ENPP6: variants seen among roughly 807,000 people sequenced by gnomAD.
The protein encoded by ENPP6 is ectonucleotide pyrophosphatase/phosphodiesterase 6, also known as glycerophosphocholine cholinephosphodiesterase ENPP6.
ENPP6 carries 32 observed loss-of-function variants against 42.0 expected under a neutral mutation model. The ratio of observed to expected loss-of-function variants is 0.76; its 90% confidence interval spans 0.58 to 1.02. The LOEUF (loss-of-function observed/expected upper bound fraction) is 1.02, where lower values mean the gene tolerates loss of function less well. Among genes scored for constraint, ENPP6 ranks in the 50% least tolerant of loss-of-function variants. The pLI is 0.00. For synonymous variants in ENPP6, 213 were observed against 216.0 expected (o/e 0.99, Z 0.12); for missense variants, 552 against 566.8 (o/e 0.97, Z 0.27).
chr4:184,115,938 G>A (rs922855748), intron 5 of ENPP6, among the ~76,000 whole-genome samples: 42 of 152,164 alleles, frequency 2.8e-4, no homozygotes, highest in African/African-American at 7.0e-4. Flanking sequence ...GCCCTAGGCC[G>A]GGCACGGTGG....
intron 1 of ENPP6, among the ~76,000 whole-genome samples, chr4:184,195,556 A>C (rs1429013654): frequency 6.6e-6 from 1 of 152,128 alleles, no homozygotes; most frequent in African/African-American, 2.4e-5. Context: ...ATTATCCTAA[A>C]CTGGAAACTC....
rs768789197 is a variant in ENPP6 at position 184,097,363 on chromosome 4, T to C, written c.999A>G (p.Arg333=). 23 of 1,613,908 alleles carry C rather than the reference T, an allele frequency of 1.4e-5. No individual in the cohort carries two copies. Among genetic ancestry groups the C allele is most frequent in the Non-Finnish European group, 1.9e-5 (22 of 1,180,012 alleles). The change falls in exon 7 of 8, where the codon CGA becomes CGG. Residue 333 remains arginine, a synonymous_variant. Transcript: ENST00000296741. ...TGTTCATCCAAAACGGAAGCATCTC[T>C]CGATTCTGAAACCAAGCAAGGCAGA... ...ADEGWFITEN[R]EMLPFWMNST...
intron 1 of ENPP6, among the ~76,000 whole-genome samples, chr4:184,191,296 T>C (rs941804687): frequency 8.5e-5 from 13 of 152,224 alleles, no homozygotes; most frequent in Non-Finnish European, 2.9e-5. Flanking sequence ...ATGGGAACAA[T>C]TGTGACTACT....
At position 184,129,291 on chromosome 4, in the gene ENPP6, T is replaced by C. The variant is rs868125961; in HGVS notation, c.422-5019A>G. Among the ~76,000 whole-genome samples, 18 of 145,390 alleles carry C rather than the reference T, an allele frequency of 1.2e-4. 1 individual carries two copies. Among genetic ancestry groups the C allele is most frequent in the East Asian group, 1.2e-3 (6 of 4,966 alleles). The stretch of plus-strand genomic sequence containing the variant: ...GTAGTACACAAACACCCCCCCAACA[T>C]ACACACACACACACACACACACACA... On this transcript the variant is annotated intron_variant, in intron 2 of 7. Transcript: ENST00000296741.
At chr4:184,190,596 T>C (rs1732700633) in intron 1 of ENPP6, among the ~76,000 whole-genome samples, 3 of 152,222 alleles carry the variant, frequency 2.0e-5, no homozygotes. Flanking sequence ...ATACAGCAGC[T>C]TCAAGAAACT....
intron 1 of ENPP6, among the ~76,000 whole-genome samples, chr4:184,209,315 G>A (rs1197854178): frequency 2.0e-5 from 3 of 147,506 alleles, no homozygotes; most frequent in Admixed American, 6.7e-5. Context: ...TCAAACCAAA[G>A]GCAAAGAAGT....
At chr4:184,092,532 T>C (rs752789664) in intron 7 of ENPP6, among the ~76,000 whole-genome samples, 1 of 152,184 alleles carries the variant, frequency 6.6e-6, no homozygotes, top group Non-Finnish European at 1.5e-5. Context: ...CACAAGTCTT[T>C]GGAGGGATTT....
At chr4:184,097,417 C>T (rs778565401) in intron 6 of ENPP6, 49 bp from the exon 7 acceptor site, 5 of 1,606,280 alleles carry the variant, frequency 3.1e-6, no homozygotes, top group Non-Finnish European at 4.2e-6. Context: ...GACCGTGGCG[C>T]TGAGCGGGCA....
At chr4:184,145,299 A>T in intron 2 of ENPP6, among the ~76,000 whole-genome samples, 1 of 148,024 alleles carries the variant, frequency 6.8e-6, no homozygotes, top group Admixed American at 6.7e-5. Context: ...TCCCCCTTTC[A>T]CCTCCCTGCC....
chr4:184,097,491 C>T (rs1371152824), intron 6 of ENPP6, 123 bp from the exon 7 acceptor site: 3 of 1,382,450 alleles, frequency 2.2e-6, no homozygotes, highest in Non-Finnish European at 1.9e-6. Flanking sequence ...CTGACCCAGA[C>T]TGACCCAACC....
rs1486366384 is a variant in ENPP6 at position 184,177,335 on chromosome 4, G to C, written c.242-23602C>G. ...CCCGCAGGAATTTCAGCAACTCCAGGCAGGGGTTTAGGGATAGAACTCTGA... is the reference window on the plus strand; with the variant it reads ...CCCGCAGGAATTTCAGCAACTCCAGCCAGGGGTTTAGGGATAGAACTCTGA... On this transcript the variant is annotated intron_variant, in intron 1 of 7. Coordinates refer to ENST00000296741, the MANE Select transcript of ENPP6 (RefSeq NM_153343.4). Among the ~76,000 whole-genome samples the C allele has an allele frequency of 2.6e-5, 4 of 152,196 alleles. No individual in the cohort carries two copies. In the East Asian group the frequency reaches 7.7e-4, roughly 29 times the overall value.
chr4:184,214,458 G>A (rs1160097472), intron 1 of ENPP6, among the ~76,000 whole-genome samples: 2 of 152,158 alleles, frequency 1.3e-5, no homozygotes, highest in Non-Finnish European at 2.9e-5. Flanking sequence ...CCCATCCACT[G>A]TGAAATTCTC....
At chr4:184,139,529 G>A (rs533116314) in intron 2 of ENPP6, among the ~76,000 whole-genome samples, 18 of 127,864 alleles carry the variant, frequency 1.4e-4, no homozygotes, top group Admixed American at 9.1e-5. Context: ...ACAATAGTCC[G>A]CAGAGTGTGA....
At chr4:184,181,427 C>A (rs1179845406) in intron 1 of ENPP6, among the ~76,000 whole-genome samples, 2 of 152,112 alleles carry the variant, frequency 1.3e-5, no homozygotes, top group Non-Finnish European at 2.9e-5. Context: ...TGAAAATGGC[C>A]ATACTGCCCG....
At chr4:184,191,635 T>A (rs568093946) in intron 1 of ENPP6, among the ~76,000 whole-genome samples, 1 of 152,266 alleles carries the variant, frequency 6.6e-6, no homozygotes, top group Non-Finnish European at 1.5e-5. Flanking sequence ...AGATGAAAGT[T>A]CTCTCATCTG....
In ENPP6 at chr4:184,109,165, C is replaced by T. The variant is rs138995310; in HGVS notation, c.993+3507G>A. ...GGCAGAGGTTGCAGTGAGCTGAGAT[C>T]GCACCACCGCACTCCAGCCTGGGTG... On this transcript the variant is annotated intron_variant, in intron 6 of 7. Transcript: ENST00000296741. Among the ~76,000 whole-genome samples the T allele has an allele frequency of 7.5e-3, 1,137 of 151,956 alleles. 17 individuals carry two copies. The highest frequency in any genetic ancestry group is 0.026 in the African/African-American group (1,062 of 41,440).
chr4:184,124,328 A>G lies in ENPP6; in HGVS notation c.422-56T>C, dbSNP rs1736466138. The G allele has an allele frequency of 3.0e-6, 4 of 1,336,240 alleles. No individual in the cohort carries two copies. The Admixed American group carries it at 7.4e-5, about 25-fold the overall frequency. The allele number at this position is 1,336,240 out of a possible 1,614,324, so 82.8% of individuals were successfully genotyped here. A position where few individuals can be genotyped will look rare whatever the true frequency, so the allele number is the denominator to read the frequency against. ...TCTCTTCAATAAGTAATGTCGAGTT[A>G]TGAGCCTATTTCAGGAAGCAAACAC... On this transcript the variant is annotated intron_variant, in intron 2 of 7. Coordinates refer to ENST00000296741, the MANE Select transcript of ENPP6 (RefSeq NM_153343.4).
intron 1 of ENPP6, among the ~76,000 whole-genome samples, chr4:184,169,733 C>T (rs1737426586): frequency 6.6e-6 from 1 of 152,232 alleles, no homozygotes; most frequent in South Asian, 2.1e-4. Flanking sequence ...CCCCTTTCTC[C>T]AAGGCCAATC....
At chr4:184,105,468 C>A (rs921046056) in intron 6 of ENPP6, among the ~76,000 whole-genome samples, 1 of 152,194 alleles carries the variant, frequency 6.6e-6, no homozygotes, top group Non-Finnish European at 1.5e-5. Context: ...CTTAGAAGAA[C>A]TGGATGGGAC....
Sources: allele counts gnomAD v4.1 joint callset (sites outside exome capture counted in the v4.1 genomes callset), GRCh38; gene constraint gnomAD v4.1.1; transcripts MANE v1.5; gene names NCBI Gene and HGNC (gene_info 2026-07-23, HGNC 2026-07-21).